NCALD: variants seen among roughly 807,000 people sequenced by gnomAD.
NCALD encodes neurocalcin-delta.
In NCALD, 10 loss-of-function variants were observed where a neutral mutation model predicts 18.6. The ratio of observed to expected loss-of-function variants is 0.54; its 90% CI spans 0.33 to 0.91. The LOEUF is 0.91. Among genes scored for constraint, NCALD ranks in the 40% least tolerant of loss-of-function variants. The pLI is 0.03. For missense variants in NCALD, 184 were observed against 247.6 expected (o/e 0.74, Z 1.72); for synonymous variants, 88 against 87.4 (o/e 1.01, Z -0.04).
intron 1 of NCALD, among the ~76,000 whole-genome samples, chr8:101,744,098 G>A (rs1810326923): frequency 6.6e-6 from 1 of 152,188 alleles, no homozygotes; most frequent in Non-Finnish European, 1.5e-5. Context: ...CTCAGGCCCT[G>A]GGCCATCATG....
intron 2 of NCALD, among the ~76,000 whole-genome samples, chr8:101,916,199 G>A (rs1817966529): frequency 6.6e-6 from 1 of 152,128 alleles, no homozygotes; most frequent in Admixed American, 6.6e-5. Flanking sequence ...TCAGTTCAGA[G>A]CAAGCACCAG....
At chr8:101,759,064 C>A (rs966715818) in intron 1 of NCALD, among the ~76,000 whole-genome samples, 2 of 152,118 alleles carry the variant, frequency 1.3e-5, no homozygotes, top group Non-Finnish European at 2.9e-5. Flanking sequence ...TTGTGATATT[C>A]GTGACAACCA....
chr8:102,094,039 A>G (rs1825012799), intron 1 of NCALD, among the ~76,000 whole-genome samples: 1 of 152,226 alleles, frequency 6.6e-6, no homozygotes, highest in South Asian at 2.1e-4. Context: ...TCTATAAAGT[A>G]TCCAGTGATG....
chr8:101,927,723 A>G lies in NCALD; in HGVS notation c.-156-11865T>C, dbSNP rs535349579. 4.1e-4 allele frequency among the ~76,000 whole-genome samples: 63 copies of G among 152,286 alleles called. 1 individual carries two copies. The South Asian group carries it at 8.5e-3, about 21-fold the overall frequency. ...TCCAATGGGTCTATGAAATTCAGGC[A>G]GTTGTGTCTACCCAGTGTCCTGTCC... is the stretch of plus-strand genomic sequence containing the variant. On this transcript the variant is annotated intron_variant, in intron 2 of 6. Transcript: ENST00000311028.
intron 2 of NCALD, among the ~76,000 whole-genome samples, chr8:101,956,687 T>C (rs1463531795): frequency 1.3e-5 from 2 of 151,878 alleles, no homozygotes; most frequent in African/African-American, 4.8e-5. Context: ...TAATGCCTAC[T>C]TGGATGACAG....
At chr8:102,110,316 A>G (rs1784814919) in intron 1 of NCALD, among the ~76,000 whole-genome samples, 1 of 152,260 alleles carries the variant, frequency 6.6e-6, no homozygotes, top group Non-Finnish European at 1.5e-5. Flanking sequence ...TGCAACTAGT[A>G]TATAATAATA....
chr8:101,919,560 C>T (rs1818090344), intron 2 of NCALD, among the ~76,000 whole-genome samples: 1 of 151,902 alleles, frequency 6.6e-6, no homozygotes, highest in South Asian at 2.1e-4. Context: ...AGCTTCTGCA[C>T]AGCAAAAGAA....
chr8:101,986,521 G>A (rs6992050), intron 2 of NCALD: 74,412 of 152,054 alleles, frequency 0.49, 18,486 homozygotes, highest in Admixed American at 0.58. Flanking sequence ...ATTTTAAAAA[G>A]GAGAAAATCC....
At chr8:101,992,736 C>A (rs1196700808) in intron 2 of NCALD, among the ~76,000 whole-genome samples, 1 of 152,026 alleles carries the variant, frequency 6.6e-6, no homozygotes, top group Non-Finnish European at 1.5e-5. Context: ...ACATCGTTGT[C>A]CATGTGAAAG....
Position 102,073,245 on chromosome 8 carries a change from G to T in NCALD, c.-210+50992C>A, listed in dbSNP as rs559618458. ...GAAGCCGGGAGGCAGAGGTTGCAGT[G>T]AGCCAAGATCGCGTCACTGCATTGC... On this transcript the variant is annotated intron_variant, in intron 1 of 6. Coordinates refer to the NCALD transcript ENST00000311028. 2.2e-4 allele frequency among the ~76,000 whole-genome samples: 34 copies of T among 152,248 alleles called. 1 individual carries two copies. Among genetic ancestry groups the T allele is most frequent in the African/African-American group, 5.8e-4 (24 of 41,550 alleles).
At chr8:102,058,922 G>A (rs1823747962) in intron 1 of NCALD, among the ~76,000 whole-genome samples, 1 of 152,170 alleles carries the variant, frequency 6.6e-6, no homozygotes, top group African/African-American at 2.4e-5. Context: ...TGTCTTTGAA[G>A]ATGGAGGAGG....
At chr8:101,829,221 T>C (rs73696633) in intron 4 of NCALD, among the ~76,000 whole-genome samples, 3,716 of 152,308 alleles carry the variant, frequency 0.024, 146 homozygotes, top group African/African-American at 0.083. Context: ...GGCCAGCATA[T>C]TGAGGTCTCA....
At chr8:102,055,723 T>G (rs927599530) in intron 1 of NCALD, among the ~76,000 whole-genome samples, 2 of 152,236 alleles carry the variant, frequency 1.3e-5, no homozygotes, top group Admixed American at 6.5e-5. Context: ...ACTCTCACTC[T>G]TAAACACAAA....
intron 1 of NCALD, among the ~76,000 whole-genome samples, chr8:102,117,773 A>C (rs1485187421): frequency 2.0e-5 from 3 of 152,220 alleles, no homozygotes; most frequent in Admixed American, 2.0e-4. Context: ...TTTTGTAAAA[A>C]GTGGGGGATC....
chr8:102,007,072 A>G (rs1020887568), intron 2 of NCALD, among the ~76,000 whole-genome samples: 2 of 152,186 alleles, frequency 1.3e-5, no homozygotes, highest in Non-Finnish European at 2.9e-5. Context: ...AGGAAAGACT[A>G]AAAAACTATC....
At chr8:101,839,305 C>G (rs994044735) in intron 4 of NCALD, among the ~76,000 whole-genome samples, 2 of 151,970 alleles carry the variant, frequency 1.3e-5, no homozygotes, top group African/African-American at 2.4e-5. Flanking sequence ...AAAAAAAAAG[C>G]TGTATGTCCT....
intron 1 of NCALD, among the ~76,000 whole-genome samples, chr8:102,054,660 CG>C (rs1563578021): frequency 0.09 from 12,808 of 142,348 alleles, 733 homozygotes; most frequent in Admixed American, 0.14. Context: ...CTTTCTCTTC[CG>C]ATAGATAGAT....
At chr8:101,746,335 C>A (rs200824724) in intron 1 of NCALD, among the ~76,000 whole-genome samples, 2 of 152,074 alleles carry the variant, frequency 1.3e-5, no homozygotes, top group Admixed American at 1.3e-4. Context: ...GTAAAATGGG[C>A]AGAATAATAC....
intron 1 of NCALD, among the ~76,000 whole-genome samples, chr8:101,756,200 T>G (rs1810874304): frequency 1.3e-5 from 2 of 152,002 alleles, no homozygotes; most frequent in Non-Finnish European, 1.5e-5. Flanking sequence ...TGTTTCAAGG[T>G]CCTTTATTTT....
Sources: gnomAD v4.1 joint callset for allele counts (sites outside exome capture counted in the v4.1 genomes callset) on GRCh38, gnomAD v4.1.1 for gene constraint, MANE v1.5 for transcripts, NCBI Gene and HGNC (gene_info 2026-07-23, HGNC 2026-07-21) for gene names.